NXF1: variants seen among roughly 807,000 people sequenced by gnomAD.
NXF1 encodes the protein nuclear RNA export factor 1.
NXF1 carries 43 observed loss-of-function variants against 92.4 expected under a neutral mutation model. The observed-to-expected ratio is 0.47, with a 90% CI of 0.36 to 0.60. The LOEUF is 0.60. Among genes scored for constraint, NXF1 ranks in the 20% least tolerant of loss-of-function variants. The pLI is 0.00. For synonymous variants in NXF1, 288 were observed against 292.2 expected, an observed-to-expected ratio of 0.99 and a Z score of 0.15; for missense variants, 576 against 793.0, an observed-to-expected ratio of 0.73 and a Z score of 3.29.
At position 62,800,292 on chromosome 11, in the gene NXF1, G is replaced by A. The variant is rs370160484; in HGVS notation, c.1016+85C>T. 66 of 1,594,852 alleles carry A rather than the reference G, an allele frequency of 4.1e-5. No individual in the cohort carries two copies. In the South Asian group the frequency reaches 4.7e-4, roughly 11 times the overall value. ...TTCCAGCTCAGGGCTGCACATCTCC[G>A]CAGACGGGCCCTGGTCAGGATGCAT... On this transcript the variant is annotated intron_variant, in intron 10 of 20. Coordinates refer to ENST00000294172, the MANE Select transcript of NXF1 (RefSeq NM_006362.5).
intron 10 of NXF1, chr11:62,799,263 T>G (rs1478113078): frequency 2.5e-5 from 25 of 985,428 alleles, no homozygotes; most frequent in Non-Finnish European, 2.9e-5. Context: ...AGCCCTTTCT[T>G]TCAGCTGCCC....
rs1487721874 is a variant in NXF1, at chr11:62,801,773, T to C, written c.605A>G (p.Asn202Ser). 6 of 1,613,884 alleles carry C rather than the reference T, an allele frequency of 3.7e-6. 1 individual carries two copies. In the Admixed American group the frequency reaches 1.0e-4, roughly 27 times the overall value. The change falls in exon 6 of 21, where the codon AAT becomes AGT. Residue 202 changes from asparagine (N) to serine (S), a missense_variant. By Grantham distance (46) the Asn-to-Ser change is conservative (BLOSUM62 1). This residue lies in a region of NXF1 where 425 missense variants were observed against 635.2 expected (regional missense o/e 0.67). Transcript: ENST00000294172. The stretch of plus-strand genomic sequence containing the variant: ...TTCTACTTGTTCTGGCTTCAGTTCA[T>C]TCAGTATAGTGTGGGGTGGAGCAGA... ...NSSAPPHTIL[N>S]ELKPEQVEQL...
At chr11:62,797,909 G>A (rs1010975443) in intron 11 of NXF1, among the ~76,000 whole-genome samples, 4 of 151,762 alleles carry the variant, frequency 2.6e-5, no homozygotes, top group Non-Finnish European at 4.4e-5. Context: ...GGATGGATTA[G>A]TTGAGGTCAG....
At position 62,795,917 on chromosome 11, in the gene NXF1, A is replaced by G; in HGVS notation, c.1488T>C (p.Asn496=). The part of the protein sequence containing the change: ...QTSTLLCFSV[N]GVFKEVDGKS... ...GATTCTTACCTTCCTTGAAGACTCC[A>G]TTGACAGAAAAACACAGCAATGTGC... is the stretch of plus-strand genomic sequence containing the variant. The change falls in exon 17 of 21, where the codon AAT becomes AAC. Residue 496 remains asparagine (N), a synonymous_variant. Coordinates refer to ENST00000294172, the MANE Select transcript of NXF1 (RefSeq NM_006362.5). 6.2e-7 allele frequency: 1 copy of G among 1,613,888 alleles called. No individual in the cohort carries two copies. Among genetic ancestry groups the G allele is most frequent in the South Asian group, 1.1e-5 (1 of 91,088 alleles).
rs759329332 is a variant in NXF1 at position 62,801,060 on chromosome 11, C to G, written c.906+34G>C. The G allele has an allele frequency of 2.0e-6, 3 of 1,498,738 alleles. No individual in the cohort carries two copies. The Admixed American group carries it at 5.0e-5, about 25-fold the overall frequency. 92.8% of individuals were successfully genotyped at this position (1,498,738 alleles called of 1,614,324 possible). On this transcript the variant is annotated intron_variant, in intron 9 of 20. Transcript: ENST00000294172. The stretch of plus-strand genomic sequence containing the variant: ...AAACTCTCTACACCCTCTACCCACC[C>G]CTTCAAAAATATAGCCGAGCTATCA...
intron 1 of NXF1, chr11:62,804,217 T>C (rs1451180442): frequency 6.7e-7 from 1 of 1,494,180 alleles, no homozygotes; most frequent in Admixed American, 2.0e-5. Context: ...GAAACTGGAA[T>C]TAGAGAGAAG....
intron 3 of NXF1, among the ~76,000 whole-genome samples, chr11:62,802,548 T>C (rs2084490464): frequency 6.6e-6 from 1 of 152,212 alleles, no homozygotes; most frequent in Admixed American, 6.5e-5. Context: ...GCGATCCTCC[T>C]GTCTCAGCTT....
rs1446560944 is a variant in NXF1, at chr11:62,800,461, T to A, written c.932A>T (p.Lys311Met). ...CTCTTCTAGCTTCAGCCCCTTTATC[T>A]TGTCCAATTCCCGCTCAGACTTCAA... The part of the protein sequence containing the change: ...NELKSERELD[K>M]IKGLKLEELW... The change falls in exon 10 of 21, where the codon AAG becomes ATG. Residue 311 changes from lysine (K) to methionine (M), a missense_variant. Around this residue, in one of 2 missense-constraint regions of NXF1, gnomAD observed 425 missense variants for 635.2 expected, o/e 0.67. Transcript: ENST00000294172. 2 of 1,613,686 alleles carry A rather than the reference T, an allele frequency of 1.2e-6. No homozygotes were observed.
At chr11:62,797,519 C>A in intron 11 of NXF1, 133 bp from the exon 12 acceptor site, 5 of 741,248 alleles carry the variant, frequency 6.7e-6, no homozygotes, top group Non-Finnish European at 2.3e-6. Context: ...GGCTGGACAA[C>A]GTGGCAAAAC....
At chr11:62,795,201 G>A in intron 17 of NXF1, 194 bp from the exon 18 acceptor site, 1 of 554,634 alleles carries the variant, frequency 1.8e-6, no homozygotes, top group Non-Finnish European at 3.3e-6. Context: ...ACTACGGCCG[G>A]GCACAGTGTC....
rs117263999 is a variant in NXF1, at chr11:62,795,998, C to T, written c.1462-55G>A. ...TACACTTCTCAGAGCCTGAGTGCCC[C>T]CCCTTGCCTATTAAATGCCACCCCC... On this transcript the variant is annotated intron_variant, in intron 16 of 20. Coordinates refer to ENST00000294172, the MANE Select transcript of NXF1 (RefSeq NM_006362.5). The T allele has an allele frequency of 7.6e-3, 12,194 of 1,608,712 alleles. 62 individuals are homozygous for T. Among genetic ancestry groups the T allele is most frequent in the Non-Finnish European group, 9.4e-3 (11,075 of 1,175,946 alleles).
rs1184134083 is a variant in NXF1 at position 62,794,369 on chromosome 11, A to C, written c.1649T>G (p.Met550Arg). The C allele has an allele frequency of 6.2e-7, 1 of 1,614,062 alleles. No individual in the cohort carries two copies. Among genetic ancestry groups the C allele is most frequent in the Non-Finnish European group, 8.5e-7 (1 of 1,180,038 alleles). Residue 550 changes from methionine (M) to arginine (R), a missense_variant, in exon 19 of 21, where the codon ATG becomes AGG. Physicochemically the swap from Met to Arg is moderately conservative, Grantham distance 91. Around this residue, in one of 2 missense-constraint regions of NXF1, gnomAD observed 425 missense variants for 635.2 expected, o/e 0.67. Coordinates refer to ENST00000294172, the MANE Select transcript of NXF1 (RefSeq NM_006362.5). ...SSEEIQRAFA[M>R]PAPTPSSSPV... Reference sequence around the variant, plus strand: ...GCTGGAGGAAGGCGTGGGTGCAGGCATAGCGAAGGCTCTTTGGATCTCTTC... The same window carrying C: ...GCTGGAGGAAGGCGTGGGTGCAGGCCTAGCGAAGGCTCTTTGGATCTCTTC...
At position 62,803,890 on chromosome 11, in the gene NXF1, C is replaced by A. The variant is rs1415287127; in HGVS notation, c.117G>T (p.Arg39Ser). 2 of 1,614,238 alleles carry A rather than the reference C, an allele frequency of 1.2e-6. No homozygotes were observed. The highest frequency in any genetic ancestry group is 1.7e-6 in the Non-Finnish European group (2 of 1,180,046). Reference sequence around the variant, plus strand: ...GAATACCAGAACCGCCTCTTCCAGACCTACGGTTTCCTTCACCATATTTCC... The same window carrying A: ...GAATACCAGAACCGCCTCTTCCAGAACTACGGTTTCCTTCACCATATTTCC... Reference protein sequence around the residue: ...FRWKYGEGNRRSGRGGSGIRS... With the variant: ...FRWKYGEGNRSSGRGGSGIRS... The change falls in exon 2 of 21, where the codon AGG becomes AGT. Residue 39 changes from arginine (R) to serine (S), a missense_variant. By Grantham distance (110) the Arg-to-Ser change is moderately radical. Coordinates refer to ENST00000294172, the MANE Select transcript of NXF1 (RefSeq NM_006362.5).
intron 13 of NXF1, chr11:62,796,805 A>G (rs914931079): frequency 3.6e-6 from 2 of 555,478 alleles, no homozygotes; most frequent in African/African-American, 1.9e-5. Flanking sequence ...GCGGTGGCTC[A>G]CGCCTCTAAT....
In NXF1 at chr11:62,801,147, T is replaced by C. The variant is rs780466346; in HGVS notation, c.853A>G (p.Ser285Gly). Reference protein sequence around the residue: ...NRLYRLDDMSSIVQKAPNLKI... With the variant: ...NRLYRLDDMSGIVQKAPNLKI... ...AGGTTGGGTGCCTTCTGAACAATGC[T>C]AGACATGTCATCCAGCCTGTACAGC... is the stretch of plus-strand genomic sequence containing the variant. Residue 285 changes from serine (S) to glycine (G), a missense_variant, in exon 9 of 21, where the codon AGC (serine) becomes GGC (glycine). By Grantham distance (56) the Ser-to-Gly change is moderately conservative. Around this residue, in one of 2 missense-constraint regions of NXF1, gnomAD observed 425 missense variants for 635.2 expected, o/e 0.67. Transcript: ENST00000294172. 3 of 1,614,230 alleles carry C rather than the reference T, an allele frequency of 1.9e-6. No homozygotes were observed. Among genetic ancestry groups the C allele is most frequent in the Admixed American group, 3.3e-5 (2 of 60,020 alleles).
At chr11:62,798,730 C>T (rs958890727) in intron 10 of NXF1, 155 bp from the exon 11 acceptor site, 3 of 1,442,402 alleles carry the variant, frequency 2.1e-6, no homozygotes, top group Non-Finnish European at 2.7e-6. Flanking sequence ...AAATGGCCCC[C>T]ACTCCCCACC....
chr11:62,796,134 A>G lies in NXF1; in HGVS notation c.1393T>C (p.Phe465Leu). ...LKHTRLNVVA[F>L]LNELPKTQHD... ...TGGGTTTTGGGCAACTCATTGAGGAAGGCAACAACGTTGAGACGCGTGTGC... is the reference window on the plus strand; with the variant it reads ...TGGGTTTTGGGCAACTCATTGAGGAGGGCAACAACGTTGAGACGCGTGTGC... The change falls in exon 16 of 21, where the codon TTC becomes CTC. Residue 465 changes from phenylalanine (F) to leucine (L), a missense_variant. Coordinates refer to ENST00000294172, the MANE Select transcript of NXF1 (RefSeq NM_006362.5). The G allele has an allele frequency of 3.7e-6, 6 of 1,614,180 alleles. No homozygotes were observed. Among genetic ancestry groups the G allele is most frequent in the Non-Finnish European group, 5.1e-6 (6 of 1,180,034 alleles).
Position 62,796,233 on chromosome 11 carries a change from G to C in NXF1, c.1346-52C>G, listed in dbSNP as rs755827175. On this transcript the variant is annotated intron_variant, in intron 15 of 20. Transcript: ENST00000294172. Reference sequence around the variant, plus strand: ...GTGCTGCCACACACTCCTGAGTTCTGACTGATTCCTTCCCATGCCCTTTTC... The same window carrying C: ...GTGCTGCCACACACTCCTGAGTTCTCACTGATTCCTTCCCATGCCCTTTTC... 1.6e-5 allele frequency: 25 copies of C among 1,612,646 alleles called. No homozygotes were observed. In the East Asian group the frequency reaches 5.3e-4, roughly 34 times the overall value.
Position 62,796,557 on chromosome 11 carries a change from T to G in NXF1, c.1189A>C (p.Ile397Leu). The change falls in exon 14 of 21, where the codon ATT (isoleucine) becomes CTT (leucine). Residue 397 changes from isoleucine to leucine, a missense_variant. Coordinates refer to ENST00000294172, the MANE Select transcript of NXF1 (RefSeq NM_006362.5). ...VLHFLQQYYA[I>L]YDSGDRQGLL... is the part of the protein sequence containing the mutation. ...CCTTGTCGGTCTCCAGAGTCGTAAA[T>G]TGCATAGTACCTATGGGAAAAACAA... 6.2e-7 allele frequency: 1 copy of G among 1,611,068 alleles called. No homozygotes were observed. Among genetic ancestry groups the G allele is most frequent in the South Asian group, 1.1e-5 (1 of 91,044 alleles).
Sources: gnomAD v4.1 joint callset for allele counts (sites outside exome capture counted in the v4.1 genomes callset) on GRCh38, gnomAD v4.1.1 for gene constraint, gnomAD v4.1.1 regional missense constraint, MANE v1.5 for transcripts, NCBI Gene and HGNC (gene_info 2026-07-23, HGNC 2026-07-21) for gene names.